ZNF283: variants seen among roughly 807,000 people sequenced by gnomAD.
The protein encoded by ZNF283 is zinc finger protein 283, also known as zinc finger protein 41.
In ZNF283, 10 loss-of-function variants were observed where a neutral mutation model predicts 9.2. That is an observed-to-expected ratio of 1.09 (90% CI 0.67 to 1.85). ZNF283 has a LOEUF of 1.85. Among genes scored for constraint, ZNF283 ranks in the 40% most tolerant of loss-of-function variants. The pLI, the probability that ZNF283 is intolerant of heterozygous loss-of-function variation, is 0.00. For synonymous variants in ZNF283, 234 were observed against 244.1 expected, an observed-to-expected ratio of 0.96 and a Z score of 0.38; for missense variants, 631 against 760.1, an observed-to-expected ratio of 0.83 and a Z score of 2.00.
At position 43,847,177 on chromosome 19, in the gene ZNF283, ATC is replaced by A; in HGVS notation, c.580_581del (p.Leu194TyrfsTer8). 1 of 1,613,746 alleles carries A rather than the reference ATC, an allele frequency of 6.2e-7. No homozygotes were observed. Among genetic ancestry groups the A allele is most frequent in the Non-Finnish European group, 8.5e-7 (1 of 1,179,732 alleles). ...EKIPSYRKSK[S>X]LTPHQRIHNT... Reference sequence around the variant, plus strand: ...AAATACCTTCTTACAGAAAAAGTAAATCTCTTACTCCACATCAAAGAATTCAT... The same window carrying A: ...AAATACCTTCTTACAGAAAAAGTAAATCTTACTCCACATCAAAGAATTCAT... On this transcript the variant is annotated frameshift_variant, in exon 7 of 7. Transcript: ENST00000618787. LOFTEE classifies it low-confidence loss of function (END_TRUNC).
Position 43,846,531 on chromosome 19 carries a change from G to A in ZNF283, c.338-408G>A, listed in dbSNP as rs537683996. On this transcript the variant is annotated intron_variant, in intron 6 of 6. Transcript: ENST00000618787. Reference sequence around the variant, plus strand: ...TGCCTTGATAAAATGGCAGAGTTGCGACCATTGAGTTGTTAGACAAAAGAG... The same window carrying A: ...TGCCTTGATAAAATGGCAGAGTTGCAACCATTGAGTTGTTAGACAAAAGAG... Among the ~76,000 whole-genome samples, 86 of 152,160 alleles carry A rather than the reference G, an allele frequency of 5.7e-4. 3 individuals carry two copies. In the South Asian group the frequency reaches 0.017, roughly 30 times the overall value.
chr19:43,835,192 C>T (rs934794233), intron 4 of ZNF283, among the ~76,000 whole-genome samples: 3 of 152,084 alleles, frequency 2.0e-5, no homozygotes, highest in Admixed American at 1.3e-4. Flanking sequence ...CAGTCCTGAG[C>T]CCATGAAGGA....
intron 4 of ZNF283, among the ~76,000 whole-genome samples, chr19:43,834,585 AT>A (rs1172992595): frequency 6.6e-6 from 1 of 151,128 alleles, no homozygotes; most frequent in East Asian, 1.9e-4. Flanking sequence ...TTTATTTTTT[AT>A]TTTTTATTTT....
At chr19:43,831,554 G>A (rs534911569) in intron 3 of ZNF283, among the ~76,000 whole-genome samples, 173 bp downstream of exon 3, 1 of 152,164 alleles carries the variant, frequency 6.6e-6, no homozygotes, top group Admixed American at 6.5e-5. Flanking sequence ...AAACTCAGCG[G>A]TCCAGGAGAC....
chr19:43,839,219 A>G (rs1971101140), intron 6 of ZNF283, among the ~76,000 whole-genome samples: 1 of 133,878 alleles, frequency 7.5e-6, no homozygotes, highest in Admixed American at 7.4e-5. Context: ...GCTGGTATAG[A>G]ATTCTTGGTT....
In ZNF283 at chr19:43,848,240, G is replaced by C. The variant is rs774177325; in HGVS notation, c.1639G>C (p.Glu547Gln). ...HTGEKPYECK[E>Q]CGKAFSRGYH... ...AGGGGAGAAACCCTATGAATGTAAAGAATGTGGGAAGGCTTTTAGTCGTGG... is the reference window on the plus strand; with the variant it reads ...AGGGGAGAAACCCTATGAATGTAAACAATGTGGGAAGGCTTTTAGTCGTGG... The change falls in exon 7 of 7, where the codon GAA becomes CAA. Residue 547 changes from glutamate (E) to glutamine (Q), a missense_variant. Transcript: ENST00000618787. The C allele has an allele frequency of 1.2e-6, 2 of 1,613,676 alleles. No individual in the cohort carries two copies. Among genetic ancestry groups the C allele is most frequent in the Non-Finnish European group, 8.5e-7 (1 of 1,179,946 alleles).
chr19:43,836,976 A>G, intron 5 of ZNF283, 77 bp from the exon 6 acceptor site: 1 of 1,521,446 alleles, frequency 6.6e-7, no homozygotes. Flanking sequence ...TTTGTAGTTC[A>G]TCCTTTGTAC....
At chr19:43,839,532 ACTTTT>A (rs1971115921) in intron 6 of ZNF283, among the ~76,000 whole-genome samples, 1 of 151,244 alleles carries the variant, frequency 6.6e-6, no homozygotes, top group East Asian at 2.0e-4. Context: ...TTTTTTCTCT[ACTTTT>A]GTCTCTCTTC....
At chr19:43,834,665 G>A (rs951894461) in intron 4 of ZNF283, among the ~76,000 whole-genome samples, 7 of 151,734 alleles carry the variant, frequency 4.6e-5, no homozygotes, top group African/African-American at 1.2e-4. Flanking sequence ...GCGCGATCTC[G>A]GCTCACTGCC....
At position 43,849,553 on chromosome 19, in the gene ZNF283, TA is replaced by T. The variant is rs1307667021; in HGVS notation, c.*915del. The T allele has an allele frequency of 6.6e-6, 1 of 152,228 alleles. No individual in the cohort carries two copies. Among genetic ancestry groups the T allele is most frequent in the African/African-American group, 2.4e-5 (1 of 41,472 alleles). 9.4% of individuals were successfully genotyped at this position (152,228 alleles called of 1,614,324 possible). A position where few individuals can be genotyped will look rare whatever the true frequency, so the allele number is the denominator to read the frequency against. On this transcript the variant is annotated 3_prime_UTR_variant, in exon 7 of 7. Coordinates refer to ENST00000618787, the MANE Select transcript of ZNF283 (RefSeq NM_181845.2). ...ATAAGATAATTTATACCAGATATGT[TA>T]AATGTGCAGAAGCCTTCCAACACTA... is the stretch of plus-strand genomic sequence containing the variant.
chr19:43,842,835 CCA>C, intron 6 of ZNF283, among the ~76,000 whole-genome samples: 1 of 152,188 alleles, frequency 6.6e-6, no homozygotes, highest in African/African-American at 2.4e-5. Context: ...TTCTTTACCT[CCA>C]CACACAAAGA....
Position 43,848,487 on chromosome 19 carries a change from G to A in ZNF283, c.1886G>A (p.Arg629His), listed in dbSNP as rs1061768. The stretch of plus-strand genomic sequence containing the variant: ...CATACTGGTGAGAAGCTTTATCAAC[G>A]TAAGGAATTCGGGAAGACCTTTACT... ...RFHTGEKLYQ[R>H]KEFGKTFTCG... Residue 629 changes from arginine (R) to histidine (H), a missense_variant, in exon 7 of 7, where the codon CGT becomes CAT. By Grantham distance (29) the Arg-to-His change is conservative. This residue lies in a region of ZNF283 where 444 missense variants were observed against 522.5 expected (regional missense o/e 0.85). Coordinates refer to ENST00000618787, the MANE Select transcript of ZNF283 (RefSeq NM_181845.2). 314,066 of 1,613,136 alleles carry A rather than the reference G, an allele frequency of 0.19. 31,532 individuals are homozygous for A. The highest frequency in any genetic ancestry group is 0.21 in the Non-Finnish European group (244,426 of 1,179,322).
intron 6 of ZNF283, chr19:43,840,679 A>ATC (rs1389415410): frequency 1.9e-4 from 27 of 142,436 alleles, no homozygotes; most frequent in Non-Finnish European, 3.2e-4. Flanking sequence ...GTGGATGCCA[A>ATC]TCTCTCTCTC....
rs1228998592 is a variant in ZNF283, at chr19:43,847,813, A to G, written c.1212A>G (p.Glu404=). 6.8e-6 allele frequency: 11 copies of G among 1,613,412 alleles called. No homozygotes were observed. Among genetic ancestry groups the G allele is most frequent in the East Asian group, 2.2e-5 (1 of 44,824 alleles). ...QIFHTGEKPY[E]CKECGKAFNC... is the part of the protein sequence containing the mutation. Reference sequence around the variant, plus strand: ...TTCATACTGGTGAGAAACCCTATGAATGCAAGGAATGTGGGAAGGCTTTTA... The same window carrying G: ...TTCATACTGGTGAGAAACCCTATGAGTGCAAGGAATGTGGGAAGGCTTTTA... Residue 404 remains glutamate (E), a synonymous_variant, in exon 7 of 7, where the codon GAA becomes GAG. Coordinates refer to ENST00000618787, the MANE Select transcript of ZNF283 (RefSeq NM_181845.2).
chr19:43,830,303 C>G (rs1970648677), intron 2 of ZNF283, among the ~76,000 whole-genome samples: 1 of 151,998 alleles, frequency 6.6e-6, no homozygotes, highest in Non-Finnish European at 1.5e-5. Context: ...GTCTCTAACT[C>G]CTGGACTCAA....
rs1286387774 is a variant in ZNF283 at position 43,849,062 on chromosome 19, A to G, written c.*421A>G. 1 of 157,794 alleles carries G rather than the reference A, an allele frequency of 6.3e-6. No homozygotes were observed. The highest frequency in any genetic ancestry group is 1.4e-5 in the Non-Finnish European group (1 of 71,308). The allele number at this position is 157,794 out of a possible 1,614,324, so 9.8% of individuals were successfully genotyped here. A position where few individuals can be genotyped will look rare whatever the true frequency, so the allele number is the denominator to read the frequency against. ...CATACTGCTGTGTAATCCTATGCAC[A>G]TAAGGAATTTGGGAAGGCTTATAGA... is the stretch of plus-strand genomic sequence containing the variant. On this transcript the variant is annotated 3_prime_UTR_variant, in exon 7 of 7. Coordinates refer to ENST00000618787, the MANE Select transcript of ZNF283 (RefSeq NM_181845.2).
rs182215261 is a variant in ZNF283, at chr19:43,851,340, A to G, written c.*2699A>G. On this transcript the variant is annotated 3_prime_UTR_variant, in exon 7 of 7. Coordinates refer to ENST00000618787, the MANE Select transcript of ZNF283 (RefSeq NM_181845.2). ...GGATTTTACAGTTAAAGAAGCTTAT[A>G]AAGTAGCATCTACTAAATCCCCTCC... The G allele has an allele frequency of 7.9e-5, 12 of 152,232 alleles. No individual in the cohort carries two copies. The East Asian group carries it at 2.1e-3, about 27-fold the overall frequency. 9.4% of individuals were successfully genotyped at this position (152,232 alleles called of 1,614,324 possible).
At position 43,849,792 on chromosome 19, in the gene ZNF283, A is replaced by G. The variant is rs994118369; in HGVS notation, c.*1151A>G. On this transcript the variant is annotated 3_prime_UTR_variant, in exon 7 of 7. Coordinates refer to ENST00000618787, the MANE Select transcript of ZNF283 (RefSeq NM_181845.2). ...CTAATAATGCTGTTACAGAGATTAG[A>G]TGGATTTAGTATGCATCATATCCTT... 2 of 152,228 alleles carry G rather than the reference A, an allele frequency of 1.3e-5. No individual in the cohort carries two copies. The highest frequency in any genetic ancestry group is 4.8e-5 in the African/African-American group (2 of 41,460). 9.4% of individuals were successfully genotyped at this position (152,228 alleles called of 1,614,324 possible).
chr19:43,835,464 C>A, intron 4 of ZNF283, 41 bp from the exon 5 acceptor site: 1 of 1,377,130 alleles, frequency 7.3e-7, no homozygotes, highest in Non-Finnish European at 1.0e-6. Flanking sequence ...GATGGGATCA[C>A]TGAGGCACAC....
Sources: allele counts gnomAD v4.1 joint callset (sites outside exome capture counted in the v4.1 genomes callset), GRCh38; gene constraint gnomAD v4.1.1; regional missense constraint gnomAD v4.1.1; transcripts MANE v1.5; gene names NCBI Gene and HGNC (gene_info 2026-07-23, HGNC 2026-07-21).